The following XPO4 variants were observed in gnomAD, a reference collection of about 807,000 sequenced individuals.
XPO4 encodes the protein exportin-4.
A neutral mutation model predicts 143.0 loss-of-function variants in XPO4; 39 were observed. That is an observed-to-expected ratio of 0.27 (90% CI 0.21 to 0.36). XPO4 has a LOEUF of 0.36. Ranked by LOEUF, XPO4 falls within the 10% of genes least tolerant of loss-of-function variation. The pLI, the probability that XPO4 is intolerant of heterozygous loss-of-function variation, is 1.00. For synonymous variants in XPO4, 439 were observed against 474.0 expected, an observed-to-expected ratio of 0.93 and a Z score of 0.96; for missense variants, 907 against 1,348.0, an observed-to-expected ratio of 0.67 and a Z score of 5.12.
At chr13:20,894,206 C>G (rs1481293071) in intron 1 of XPO4, among the ~76,000 whole-genome samples, 1 of 152,146 alleles carries the variant, frequency 6.6e-6, no homozygotes, top group Non-Finnish European at 1.5e-5. Flanking sequence ...CTGAAAAACC[C>G]TTCTCTAAAA....
In XPO4 at chr13:20,788,539, A is replaced by C; in HGVS notation, c.2994T>G (p.Leu998=). 1.2e-6 allele frequency: 2 copies of C among 1,613,338 alleles called. No homozygotes were observed. Among genetic ancestry groups the C allele is most frequent in the Non-Finnish European group, 1.7e-6 (2 of 1,179,632 alleles). ...CEIFPEKIPQ[L]PEDLFKSLMY... ...TCAGACTTTTAAACAGATCCTCAGG[A>C]AGCTGTGGTATTTTTTCAGGAAAAA... is the stretch of plus-strand genomic sequence containing the variant. Residue 998 remains leucine (L), a synonymous_variant, in exon 20 of 23, where the codon CTT becomes CTG. Transcript: ENST00000255305.
chr13:20,787,098 T>G, intron 21 of XPO4, 41 bp from the exon 22 acceptor site: 1 of 1,497,488 alleles, frequency 6.7e-7, no homozygotes, highest in Non-Finnish European at 9.1e-7. Context: ...CATAGGATGA[T>G]CATATATCCT....
Position 20,849,784 on chromosome 13 carries a change from T to C in XPO4, c.456+5843A>G, listed in dbSNP as rs570519990. On this transcript the variant is annotated intron_variant, in intron 4 of 22. Transcript: ENST00000255305. Reference sequence around the variant, plus strand: ...CTGAAAGCCTTTAAAGAAAGCCTAATGTGTTGGTTACCTATATTTTTTAAA... The same window carrying C: ...CTGAAAGCCTTTAAAGAAAGCCTAACGTGTTGGTTACCTATATTTTTTAAA... 5.8e-5 allele frequency: 57 copies of C among 985,408 alleles called. No individual in the cohort carries two copies. The African/African-American group carries it at 8.7e-4, about 15-fold the overall frequency. The allele number at this position is 985,408 out of a possible 1,614,324, so 61.0% of individuals were successfully genotyped here.
At chr13:20,788,149 G>A (rs973221772) in intron 20 of XPO4, among the ~76,000 whole-genome samples, 3 of 150,512 alleles carry the variant, frequency 2.0e-5, no homozygotes, top group Admixed American at 6.6e-5. Flanking sequence ...TCCGCCTCCC[G>A]GGTTCAAGCG....
intron 4 of XPO4, among the ~76,000 whole-genome samples, chr13:20,847,637 G>A (rs1227799983): frequency 6.6e-6 from 1 of 152,118 alleles, no homozygotes; most frequent in Non-Finnish European, 1.5e-5. Flanking sequence ...CTGCCTCTCT[G>A]GCCTTTGTCA....
At position 20,798,756 on chromosome 13, in the gene XPO4, ACAT is replaced by A. The variant is rs541810169; in HGVS notation, c.2322+406_2322+408del. 2.7e-3 allele frequency among the ~76,000 whole-genome samples: 404 copies of A among 152,320 alleles called. 2 individuals carry two copies. The highest frequency in any genetic ancestry group is 4.3e-3 in the Non-Finnish European group (293 of 68,028). ...ACTGGGCCGGGCACAGTGGCTGGTC[ACAT>A]CTGTAATCCCAGCACTTTGGGAGGC... On this transcript the variant is annotated intron_variant, in intron 16 of 22. Transcript: ENST00000255305.
At chr13:20,849,795 C>T (rs1157755095) in intron 4 of XPO4, 7 of 985,174 alleles carry the variant, frequency 7.1e-6, no homozygotes, top group Non-Finnish European at 8.4e-6. Flanking sequence ...GTGTTGGTTA[C>T]CTATATTTTT....
rs528648597 is a variant in XPO4 at position 20,780,582 on chromosome 13, C to A, written c.*3140G>T. The A allele has an allele frequency of 6.6e-6, 1 of 152,198 alleles. No homozygotes were observed. Among genetic ancestry groups the A allele is most frequent in the Non-Finnish European group, 1.5e-5 (1 of 68,008 alleles). The allele number at this position is 152,198 out of a possible 1,614,324, so 9.4% of individuals were successfully genotyped here. Reference sequence around the variant, plus strand: ...ATCATGGACAAGTGGTAGTAACCATCCCATCTGAACAGAGTAATGTAATAT... The same window carrying A: ...ATCATGGACAAGTGGTAGTAACCATACCATCTGAACAGAGTAATGTAATAT... On this transcript the variant is annotated 3_prime_UTR_variant, in exon 23 of 23. Coordinates refer to ENST00000255305, the MANE Select transcript of XPO4 (RefSeq NM_022459.5).
At chr13:20,859,566 C>T (rs1319699673) in intron 3 of XPO4, among the ~76,000 whole-genome samples, 5 of 151,878 alleles carry the variant, frequency 3.3e-5, no homozygotes, top group Admixed American at 3.3e-4. Context: ...CGCCACTGCA[C>T]TCCAGCCTGG....
chr13:20,889,971 T>C (rs2060496947), intron 1 of XPO4, among the ~76,000 whole-genome samples: 1 of 152,228 alleles, frequency 6.6e-6, no homozygotes, highest in Non-Finnish European at 1.5e-5. Context: ...CAATATTGTG[T>C]GCCACCAATG....
At chr13:20,852,746 T>A (rs1243598456) in intron 4 of XPO4, 2 of 982,856 alleles carry the variant, frequency 2.0e-6, no homozygotes, top group Non-Finnish European at 2.4e-6. Context: ...TAAAAAAGAC[T>A]AGAAGAAAAC....
At chr13:20,851,656 G>T in intron 4 of XPO4, 1 of 694,150 alleles carries the variant, frequency 1.4e-6, no homozygotes, top group South Asian at 6.6e-5. Context: ...GCTGCAGTAG[G>T]CCAAGACTAC....
intron 12 of XPO4, among the ~76,000 whole-genome samples, 154 bp from the exon 13 acceptor site, chr13:20,807,788 T>C (rs2059526433): frequency 6.6e-6 from 1 of 152,160 alleles, no homozygotes; most frequent in Admixed American, 6.5e-5. Context: ...CAAAAAAAAC[T>C]TTCTATGTCT....
At chr13:20,823,236 A>C (rs866922253) in intron 7 of XPO4, among the ~76,000 whole-genome samples, 31 of 152,314 alleles carry the variant, frequency 2.0e-4, no homozygotes, top group African/African-American at 5.8e-4. Flanking sequence ...TGTAACATCA[A>C]ACTCATAGTT....
chr13:20,851,391 A>T (rs948665730), intron 4 of XPO4: 3 of 985,336 alleles, frequency 3.0e-6, no homozygotes, highest in Non-Finnish European at 3.6e-6. Context: ...ATTTCCTACT[A>T]TTACAGTAGT....
chr13:20,796,979 C>T lies in XPO4; in HGVS notation c.2401G>A (p.Val801Ile). Reference protein sequence around the residue: ...NFQQMCQQEEVKQEITATLEA... With the variant: ...NFQQMCQQEEIKQEITATLEA... ...AGTGTGGCAGTGATTTCCTGCTTGACTTCCTCTTGCTGACACATCTGCTGG... is the reference window on the plus strand; with the variant it reads ...AGTGTGGCAGTGATTTCCTGCTTGATTTCCTCTTGCTGACACATCTGCTGG... Residue 801 changes from valine to isoleucine, a missense_variant, in exon 17 of 23, where the codon GTC becomes ATC. Physicochemically the swap from Val to Ile is conservative, Grantham distance 29 (BLOSUM62 3). Coordinates refer to ENST00000255305, the MANE Select transcript of XPO4 (RefSeq NM_022459.5). 6.2e-7 allele frequency: 1 copy of T among 1,613,666 alleles called. No individual in the cohort carries two copies. The highest frequency in any genetic ancestry group is 1.1e-5 in the South Asian group (1 of 90,960).
At chr13:20,808,762 A>T (rs1203560186) in intron 11 of XPO4, among the ~76,000 whole-genome samples, 181 bp from the exon 12 acceptor site, 3 of 152,238 alleles carry the variant, frequency 2.0e-5, no homozygotes, top group Admixed American at 2.0e-4. Flanking sequence ...TTTTTATAAC[A>T]TAGAATTAAA....
At chr13:20,865,642 G>C in intron 2 of XPO4, 1 of 940,526 alleles carries the variant, frequency 1.1e-6, no homozygotes, top group Non-Finnish European at 1.3e-6. Flanking sequence ...AAAAGTTAAA[G>C]TTAATAATAC....
intron 9 of XPO4, among the ~76,000 whole-genome samples, chr13:20,818,382 C>G (rs2762989): frequency 0.23 from 35,133 of 152,068 alleles, 5,724 homozygotes; most frequent in East Asian, 0.8. Flanking sequence ...GTTTCAAAAA[C>G]ACACACTGGT....
Sources: gnomAD v4.1 joint callset for allele counts (sites outside exome capture counted in the v4.1 genomes callset) on GRCh38, gnomAD v4.1.1 for gene constraint, MANE v1.5 for transcripts, NCBI Gene and HGNC (gene_info 2026-07-23, HGNC 2026-07-21) for gene names.